LRRFIP1: variants seen among roughly 807,000 people sequenced by gnomAD.
The protein encoded by LRRFIP1 is leucine-rich repeat flightless-interacting protein 1.
LRRFIP1 carries 62 observed loss-of-function variants against 104.4 expected under a neutral mutation model. The observed-to-expected ratio is 0.59, with a 90% CI of 0.48 to 0.73. LRRFIP1 has a LOEUF of 0.73. LRRFIP1 is among the 30% of genes least tolerant of loss of function. The pLI, the probability that LRRFIP1 is intolerant of heterozygous loss-of-function variation, is 0.00. For missense variants in LRRFIP1, 796 were observed against 824.5 expected (o/e 0.97, Z 0.42); for synonymous variants, 300 against 299.0 (o/e 1.00, Z -0.03).
chr2:237,630,705 G>A (rs530518642), intron 1 of LRRFIP1, among the ~76,000 whole-genome samples: 4 of 152,354 alleles, frequency 2.6e-5, no homozygotes, highest in South Asian at 2.1e-4. Flanking sequence ...ATTGGCTGGA[G>A]CACAGCAAGC....
At chr2:237,652,224 C>T (rs772220588) in intron 1 of LRRFIP1, among the ~76,000 whole-genome samples, 6 of 152,304 alleles carry the variant, frequency 3.9e-5, no homozygotes, top group Non-Finnish European at 7.3e-5. Context: ...ATTTGACATC[C>T]ACAGGGAAAA....
At chr2:237,724,983 G>A (rs977613431) in intron 7 of LRRFIP1, among the ~76,000 whole-genome samples, 1 of 152,238 alleles carries the variant, frequency 6.6e-6, no homozygotes, top group African/African-American at 2.4e-5. Flanking sequence ...CAAAAAGTTG[G>A]CAGTGGACTT....
Position 237,779,484 on chromosome 2 carries a change from T to C in LRRFIP1, c.1875T>C (p.Arg625=), listed in dbSNP as rs776588388. ...LEVSNGHLVK[R]LEKMKANRSA... is the part of the protein sequence containing the mutation. Reference sequence around the variant, plus strand: ...TGAGCAACGGCCACTTAGTGAAGCGTCTGGAAAAAATGAAAGCAAATCGGA... The same window carrying C: ...TGAGCAACGGCCACTTAGTGAAGCGCCTGGAAAAAATGAAAGCAAATCGGA... The change falls in exon 24 of 24, where the codon CGT becomes CGC. Residue 625 remains arginine, a synonymous_variant. Coordinates refer to ENST00000308482, the MANE Select transcript of LRRFIP1 (RefSeq NM_001137550.2). 5.0e-6 allele frequency: 8 copies of C among 1,613,688 alleles called. No individual in the cohort carries two copies. The African/African-American group carries it at 5.3e-5, about 11-fold the overall frequency.
At chr2:237,725,299 C>T (rs80052409) in intron 7 of LRRFIP1, among the ~76,000 whole-genome samples, 2,128 of 152,232 alleles carry the variant, frequency 0.014, 56 homozygotes, top group African/African-American at 0.049. Context: ...TGAGACCCAG[C>T]CTGGGAGCAT....
intron 6 of LRRFIP1, among the ~76,000 whole-genome samples, chr2:237,723,147 G>A (rs116837351): frequency 0.016 from 2,484 of 152,064 alleles, 59 homozygotes; most frequent in African/African-American, 0.056. Flanking sequence ...TCTAGATTTT[G>A]GATTTTCTAG....
intron 1 of LRRFIP1, among the ~76,000 whole-genome samples, chr2:237,680,937 C>T (rs1484857459): frequency 2.0e-5 from 3 of 152,136 alleles, no homozygotes; most frequent in African/African-American, 4.8e-5. Context: ...GCCATGATCA[C>T]GCCACTGCAC....
chr2:237,777,066 T>A (rs2061154214), intron 23 of LRRFIP1, among the ~76,000 whole-genome samples: 1 of 152,218 alleles, frequency 6.6e-6, no homozygotes, highest in Admixed American at 6.5e-5. Context: ...ACACTATCTT[T>A]ACTCCCCTCC....
intron 1 of LRRFIP1, among the ~76,000 whole-genome samples, chr2:237,677,048 C>T (rs971101512): frequency 3.9e-5 from 6 of 152,218 alleles, no homozygotes; most frequent in African/African-American, 1.4e-4. Context: ...ATACACATAA[C>T]AAAGTTTGCC....
intron 1 of LRRFIP1, chr2:237,692,310 T>C: frequency 2.5e-6 from 3 of 1,216,000 alleles, no homozygotes; most frequent in Non-Finnish European, 3.1e-6. Context: ...GGCTGGCTCC[T>C]GGCCCCGGAA....
At chr2:237,657,252 A>T (rs1191888711) in intron 1 of LRRFIP1, among the ~76,000 whole-genome samples, 2 of 152,236 alleles carry the variant, frequency 1.3e-5, no homozygotes, top group South Asian at 2.1e-4. Context: ...GAGGAAAATA[A>T]TTTAACAGTG....
chr2:237,748,470 T>A (rs2058162687), intron 12 of LRRFIP1, 71 bp downstream of exon 12: 1 of 1,396,714 alleles, frequency 7.2e-7, no homozygotes, highest in Non-Finnish European at 9.9e-7. Flanking sequence ...ATATGTTGCT[T>A]GGTTTTTTTT....
chr2:237,729,233 G>A (rs888543636), intron 8 of LRRFIP1, among the ~76,000 whole-genome samples: 7 of 152,108 alleles, frequency 4.6e-5, no homozygotes, highest in Non-Finnish European at 8.8e-5. Context: ...GGCTGGATGC[G>A]ACATTTTAAA....
chr2:237,708,555 G>A lies in LRRFIP1; in HGVS notation c.108G>A (p.Arg36=), dbSNP rs376789798. 4.4e-6 allele frequency: 7 copies of A among 1,578,356 alleles called. No homozygotes were observed. The highest frequency in any genetic ancestry group is 6.0e-6 in the Non-Finnish European group (7 of 1,159,260). ...LNQIAREAEA[R]LAAKRAARAE... ...CCTGTCCGTTTCAGGCGGAAGCCCG[G>A]CTCGCTGCAAAACGGGCGGCCCGCG... The change falls in exon 2 of 24, where the codon CGG becomes CGA. Residue 36 remains arginine, a synonymous_variant. Coordinates refer to ENST00000308482, the MANE Select transcript of LRRFIP1 (RefSeq NM_001137550.2).
rs556616076 is a variant in LRRFIP1, at chr2:237,694,803, CTG to C, written c.97-13738_97-13737del. 4.0e-4 allele frequency among the ~76,000 whole-genome samples: 61 copies of C among 152,340 alleles called. No individual in the cohort carries two copies. In the South Asian group the frequency reaches 7.7e-3, roughly 19 times the overall value. The stretch of plus-strand genomic sequence containing the variant: ...GGGTCCGATGCGGACAGTGGAGACA[CTG>C]TGCATTTCTGCAGCTTTTGTAACTT... On this transcript the variant is annotated intron_variant, in intron 1 of 23. Coordinates refer to ENST00000308482, the MANE Select transcript of LRRFIP1 (RefSeq NM_001137550.2).
chr2:237,692,295 C>G (rs866676159), intron 1 of LRRFIP1: 8 of 1,196,208 alleles, frequency 6.7e-6, no homozygotes, highest in African/African-American at 3.2e-5. Context: ...AGCCGCTCCC[C>G]GGCGGGCTGG....
intron 1 of LRRFIP1, among the ~76,000 whole-genome samples, chr2:237,641,866 T>C (rs1374124288): frequency 6.6e-6 from 1 of 152,242 alleles, no homozygotes; most frequent in Non-Finnish European, 1.5e-5. Flanking sequence ...AGGATACTCC[T>C]GACACTTGGG....
In LRRFIP1 at chr2:237,664,286, C is replaced by T. The variant is rs1464266296; in HGVS notation, c.96+36546C>T. Reference sequence around the variant, plus strand: ...ATTGAGTTCTTGGCAAAGAGGCCGGCGGCGTTCTCCACTGCGTTTCCATCC... The same window carrying T: ...ATTGAGTTCTTGGCAAAGAGGCCGGTGGCGTTCTCCACTGCGTTTCCATCC... On this transcript the variant is annotated intron_variant, in intron 1 of 23. Coordinates refer to ENST00000308482, the MANE Select transcript of LRRFIP1 (RefSeq NM_001137550.2). Among the ~76,000 whole-genome samples, 5 of 152,250 alleles carry T rather than the reference C, an allele frequency of 3.3e-5. No homozygotes were observed. The South Asian group carries it at 6.2e-4, about 19-fold the overall frequency.
At chr2:237,728,062 C>CTT in intron 8 of LRRFIP1, 127 bp downstream of exon 8, 2 of 628,738 alleles carry the variant, frequency 3.2e-6, no homozygotes, top group Non-Finnish European at 5.5e-6. Context: ...ATCGGTCTGT[C>CTT]TTTTTTTTCC....
Position 237,702,003 on chromosome 2 carries a change from G to A in LRRFIP1, c.97-6541G>A, listed in dbSNP as rs1339935935. Among the ~76,000 whole-genome samples the A allele has an allele frequency of 3.3e-5, 5 of 152,178 alleles. 1 individual carries two copies. Among genetic ancestry groups the A allele is most frequent in the African/African-American group, 1.2e-4 (5 of 41,444 alleles). On this transcript the variant is annotated intron_variant, in intron 1 of 23. Coordinates refer to ENST00000308482, the MANE Select transcript of LRRFIP1 (RefSeq NM_001137550.2). ...AGCTGGCCTGTGGGCTGGGTGCCTG[G>A]CAGATGGGGCTCCCAGGGAGGTGCC...
Sources: gnomAD v4.1 joint callset for allele counts (sites outside exome capture counted in the v4.1 genomes callset) on GRCh38, gnomAD v4.1.1 for gene constraint, MANE v1.5 for transcripts, NCBI Gene and HGNC (gene_info 2026-07-23, HGNC 2026-07-21) for gene names.